CDC123: variants seen among roughly 807,000 people sequenced by gnomAD.
The protein encoded by CDC123 is cell division cycle 123, also known as translation initiation factor eIF2 assembly protein.
Under a neutral mutation model 54.4 loss-of-function variants are expected in CDC123, and 37 were observed. The ratio of observed to expected loss-of-function variants is 0.68; its 90% CI spans 0.52 to 0.89. The LOEUF is 0.89. Among genes scored for constraint, CDC123 ranks in the 40% least tolerant of loss-of-function variants. The pLI, the probability that CDC123 is intolerant of heterozygous loss-of-function variation, is 0.00. For synonymous variants in CDC123, 144 were observed against 136.8 expected (o/e 1.05, Z -0.37); for missense variants, 361 against 412.1 (o/e 0.88, Z 1.07).
chr10:12,222,272 T>A (rs1362304715), intron 6 of CDC123, among the ~76,000 whole-genome samples: 1 of 152,240 alleles, frequency 6.6e-6, no homozygotes, highest in Non-Finnish European at 1.5e-5. Flanking sequence ...CTTTTTTCTT[T>A]CCTGTTCTTC....
rs1835920537 is a variant in CDC123, at chr10:12,232,896, A to T, written c.489+1900A>T. On this transcript the variant is annotated intron_variant, in intron 7 of 12. Coordinates refer to ENST00000281141, the MANE Select transcript of CDC123 (RefSeq NM_006023.3). Reference sequence around the variant, plus strand: ...TGCCTCAGCCTCCCAAGGAGCTGGGATTACAGGCACCCGCCACTCCGCCTG... The same window carrying T: ...TGCCTCAGCCTCCCAAGGAGCTGGGTTTACAGGCACCCGCCACTCCGCCTG... 2.0e-5 allele frequency among the ~76,000 whole-genome samples: 3 copies of T among 151,464 alleles called. No homozygotes were observed. The South Asian group carries it at 6.3e-4, about 32-fold the overall frequency.
intron 4 of CDC123, 143 bp from the exon 5 acceptor site, chr10:12,215,597 G>T: frequency 4.5e-6 from 2 of 442,038 alleles, no homozygotes; most frequent in South Asian, 5.6e-5. Context: ...ATTTTATTTA[G>T]CTGGGTTCAG....
intron 12 of CDC123, 143 bp downstream of exon 12, chr10:12,249,861 T>G: frequency 9.1e-7 from 1 of 1,097,186 alleles, no homozygotes; most frequent in Non-Finnish European, 1.2e-6. Flanking sequence ...TTAGAGCATT[T>G]TCTAATTAAA....
chr10:12,231,971 G>A (rs1307464171), intron 7 of CDC123, among the ~76,000 whole-genome samples: 2 of 151,694 alleles, frequency 1.3e-5, no homozygotes, highest in Admixed American at 6.6e-5. Context: ...TCAGCCTCCC[G>A]AGTAGCTGGG....
rs1227314142 is a variant in CDC123 at position 12,198,730 on chromosome 10, G to T, written c.100G>T (p.Val34Leu). ...KSVILPLPQN[V>L]KDYLLDDGTL... ...TGTCATTCTTCCACTTCCTCAGAAT[G>T]TGAAGGATTATTTACTCGATGATGG... Residue 34 changes from valine (V) to leucine (L), a missense_variant, in exon 2 of 13, where the codon GTG becomes TTG. Coordinates refer to ENST00000281141, the MANE Select transcript of CDC123 (RefSeq NM_006023.3). 1 of 1,593,570 alleles carries T rather than the reference G, an allele frequency of 6.3e-7. No homozygotes were observed. The highest frequency in any genetic ancestry group is 8.6e-7 in the Non-Finnish European group (1 of 1,166,902).
intron 6 of CDC123, among the ~76,000 whole-genome samples, chr10:12,226,364 A>G (rs911964413): frequency 4.1e-5 from 6 of 147,092 alleles, no homozygotes; most frequent in South Asian, 4.3e-4. Context: ...GCTGCCCCCC[A>G]CCTCCCTCCC....
At chr10:12,221,346 A>C (rs956034443) in intron 6 of CDC123, among the ~76,000 whole-genome samples, 1 of 152,016 alleles carries the variant, frequency 6.6e-6, no homozygotes, top group Non-Finnish European at 1.5e-5. Context: ...TGGGTTTCTC[A>C]CCTAATGGTT....
intron 5 of CDC123, among the ~76,000 whole-genome samples, chr10:12,216,176 AAAGT>A (rs1444838091): frequency 1.3e-5 from 2 of 152,244 alleles, no homozygotes; most frequent in African/African-American, 4.8e-5. Context: ...AAAAATAAAA[AAAGT>A]AATAGTGTCA....
intron 4 of CDC123, among the ~76,000 whole-genome samples, chr10:12,213,457 C>G (rs534440193): frequency 1.1e-4 from 17 of 152,174 alleles, no homozygotes; most frequent in African/African-American, 4.1e-4. Flanking sequence ...GTAAGAACAA[C>G]AGAGAGAGGA....
chr10:12,238,434 C>T (rs2131762329), intron 9 of CDC123, 23 bp from the exon 10 acceptor site: 1 of 1,595,974 alleles, frequency 6.3e-7, no homozygotes, highest in East Asian at 2.3e-5. Flanking sequence ...TCATTAATAA[C>T]TGACTTTTTT....
At position 12,250,450 on chromosome 10, in the gene CDC123, C is replaced by G. The variant is rs1836225939; in HGVS notation, c.*113C>G. 1.2e-6 allele frequency: 1 copy of G among 810,770 alleles called. No individual in the cohort carries two copies. The highest frequency in any genetic ancestry group is 1.4e-5 in the South Asian group (1 of 73,796). The allele number at this position is 810,770 out of a possible 1,614,324, so 50.2% of individuals were successfully genotyped here. A position where few individuals can be genotyped will look rare whatever the true frequency, so the allele number is the denominator to read the frequency against. ...CGGGTGGGCCGAGCAGTGTGGACAT[C>G]AGCCACTTTTTATATTCATGTACAT... On this transcript the variant is annotated 3_prime_UTR_variant, in exon 13 of 13. Transcript: ENST00000281141.
At chr10:12,201,204 A>G (rs1461308948) in intron 2 of CDC123, among the ~76,000 whole-genome samples, 1 of 152,272 alleles carries the variant, frequency 6.6e-6, no homozygotes, top group African/African-American at 2.4e-5. Flanking sequence ...GCAAAGATAC[A>G]AAGTGATAAT....
At chr10:12,206,823 G>T (rs543063346) in intron 2 of CDC123, among the ~76,000 whole-genome samples, 1 of 152,028 alleles carries the variant, frequency 6.6e-6, no homozygotes, top group Non-Finnish European at 1.5e-5. Context: ...GCCGGGTGTG[G>T]TGGCGGGCGC....
At chr10:12,203,664 A>G (rs1184849701) in intron 2 of CDC123, among the ~76,000 whole-genome samples, 2 of 152,204 alleles carry the variant, frequency 1.3e-5, no homozygotes, top group Non-Finnish European at 2.9e-5. Flanking sequence ...ATGGGCACCA[A>G]GGAAACGGGC....
chr10:12,245,962 G>T, intron 10 of CDC123, 187 bp from the exon 11 acceptor site: 1 of 546,418 alleles, frequency 1.8e-6, no homozygotes, highest in Non-Finnish European at 3.2e-6. Context: ...CCCAGGTACT[G>T]AGGAGGCTGA....
rs1564257875 is a variant in CDC123 at position 12,238,497 on chromosome 10, CTCTT to C, written c.717+16_717+19del. 1.9e-6 allele frequency: 3 copies of C among 1,607,376 alleles called. No homozygotes were observed. Among genetic ancestry groups the C allele is most frequent in the Non-Finnish European group, 2.5e-6 (3 of 1,177,674 alleles). ...ACAGAGACAGTAGGGTAAGTAAAAA[CTCTT>C]TCTGATATGCTTTAATATAAGAGCT... is the stretch of plus-strand genomic sequence containing the variant. On this transcript the variant is annotated intron_variant, in intron 10 of 12. Coordinates refer to ENST00000281141, the MANE Select transcript of CDC123 (RefSeq NM_006023.3).
intron 10 of CDC123, among the ~76,000 whole-genome samples, chr10:12,243,829 G>GA (rs909468858): frequency 6.6e-6 from 1 of 151,678 alleles, no homozygotes; most frequent in African/African-American, 2.4e-5. Flanking sequence ...TTGGAGGTTA[G>GA]AAAATGTCCA....
intron 2 of CDC123, among the ~76,000 whole-genome samples, chr10:12,202,865 C>T (rs184613562): frequency 2.0e-5 from 3 of 152,176 alleles, no homozygotes; most frequent in Admixed American, 1.3e-4. Context: ...AAATACAGAA[C>T]TTAGCCAGAC....
chr10:12,201,311 A>G (rs1050564481), intron 2 of CDC123, among the ~76,000 whole-genome samples: 1 of 152,208 alleles, frequency 6.6e-6, no homozygotes, highest in African/African-American at 2.4e-5. Context: ...TAGCAAACAC[A>G]CAAGAGAATA....
Sources: allele counts gnomAD v4.1 joint callset (sites outside exome capture counted in the v4.1 genomes callset), GRCh38; gene constraint gnomAD v4.1.1; transcripts MANE v1.5; gene names NCBI Gene and HGNC (gene_info 2026-07-23, HGNC 2026-07-21).